Variants in PARD6G observed in about 807,000 individuals in gnomAD.
The protein encoded by PARD6G is partitioning defective 6 homolog gamma.
A neutral mutation model predicts 10.7 loss-of-function variants in PARD6G; 7 were observed. The ratio of observed to expected loss-of-function variants is 0.66; its 90% CI spans 0.37 to 1.23. The LOEUF (loss-of-function observed/expected upper bound fraction) is 1.23, where lower values mean the gene tolerates loss of function less well. PARD6G is among the 50% of genes most tolerant of loss of function. The probability of loss-of-function intolerance (pLI) is 0.02; values close to 1 mark genes in which losing one functional copy is unlikely to be tolerated. For missense variants in PARD6G, 548 were observed against 571.8 expected (o/e 0.96, Z 0.42); for synonymous variants, 287 against 269.4 (o/e 1.07, Z -0.64).
chr18:80,217,799 A>G (rs1419279458), intron 1 of PARD6G, among the ~76,000 whole-genome samples: 4 of 152,178 alleles, frequency 2.6e-5, no homozygotes, highest in African/African-American at 9.7e-5. Context: ...GTAATTTATA[A>G]AAGGAAAGAG....
chr18:80,209,850 T>A (rs1967089321), intron 1 of PARD6G, among the ~76,000 whole-genome samples: 2 of 152,182 alleles, frequency 1.3e-5, no homozygotes, highest in Non-Finnish European at 2.9e-5. Flanking sequence ...TAAATGCAAA[T>A]CATTTTTATT....
At chr18:80,230,198 T>G (rs1210346606) in intron 1 of PARD6G, among the ~76,000 whole-genome samples, 2 of 152,146 alleles carry the variant, frequency 1.3e-5, no homozygotes, top group African/African-American at 4.8e-5. Flanking sequence ...CCAGACGCAT[T>G]CCAGCTGTAA....
At chr18:80,190,636 G>A (rs1966889531) in intron 2 of PARD6G, among the ~76,000 whole-genome samples, 1 of 152,148 alleles carries the variant, frequency 6.6e-6, no homozygotes, top group Non-Finnish European at 1.5e-5. Flanking sequence ...GCCTCTCCAG[G>A]ATTCAGTTCT....
rs1479278581 is a variant in PARD6G at position 80,189,775 on chromosome 18, G to C, written c.295+12935C>G. ...CCTCTCCTTCCAGAGAGAAGGTCAA[G>C]CACCAAGCAGAACTCGATCAGTTTT... is the stretch of plus-strand genomic sequence containing the variant. On this transcript the variant is annotated intron_variant, in intron 2 of 2. Transcript: ENST00000353265. The surrounding 1 kb of genome is among the most constrained non-coding windows in gnomAD (Gnocchi z 5.5). Among the ~76,000 whole-genome samples, 3 of 152,148 alleles carry C rather than the reference G, an allele frequency of 2.0e-5. No homozygotes were observed. The highest frequency in any genetic ancestry group is 4.4e-5 in the Non-Finnish European group (3 of 68,040).
intron 2 of PARD6G, among the ~76,000 whole-genome samples, chr18:80,160,957 G>T (rs1017514342): frequency 2.0e-5 from 3 of 152,168 alleles, no homozygotes; most frequent in African/African-American, 7.2e-5. Context: ...GCTGGACTGG[G>T]GACTTCTTAA....
chr18:80,210,903 C>T (rs1250356190), intron 1 of PARD6G, among the ~76,000 whole-genome samples: 1 of 151,656 alleles, frequency 6.6e-6, no homozygotes, highest in Non-Finnish European at 1.5e-5. Flanking sequence ...CCCCCCATCC[C>T]CAAACACACG....
intron 2 of PARD6G, 99 bp from the exon 3 acceptor site, chr18:80,160,705 C>G: frequency 7.1e-7 from 1 of 1,412,124 alleles, no homozygotes; most frequent in Non-Finnish European, 9.2e-7. Flanking sequence ...TGCGTGACGC[C>G]GAAGCACCCA....
chr18:80,237,700 A>G (rs965891531), intron 1 of PARD6G, among the ~76,000 whole-genome samples: 5 of 152,388 alleles, frequency 3.3e-5, no homozygotes, highest in African/African-American at 9.6e-5. Flanking sequence ...ATGAACAGAC[A>G]CTTTTCAAAA....
At chr18:80,203,909 T>A (rs1453245116) in intron 1 of PARD6G, among the ~76,000 whole-genome samples, 1 of 152,120 alleles carries the variant, frequency 6.6e-6, no homozygotes, top group Non-Finnish European at 1.5e-5. Context: ...AGGATGATGG[T>A]CTGGTCTTTT....
chr18:80,164,893 T>C (rs1457551145), intron 2 of PARD6G, among the ~76,000 whole-genome samples: 1 of 152,102 alleles, frequency 6.6e-6, no homozygotes, highest in African/African-American at 2.4e-5. Context: ...AAAGCAGACG[T>C]ACTAATAACG....
intron 1 of PARD6G, among the ~76,000 whole-genome samples, chr18:80,219,712 C>T (rs777577485): frequency 9.9e-5 from 15 of 152,170 alleles, no homozygotes; most frequent in East Asian, 1.9e-4. Context: ...TACTCCAGTT[C>T]CCAACAAGTT....
In PARD6G at chr18:80,181,530, A is replaced by G. The variant is rs180727690; in HGVS notation, c.296-20924T>C. ...GGTCTCAAAGGGAGGGAGCAACCCT[A>G]CATCTCTGCTTCCAAAGTCCGGTAG... On this transcript the variant is annotated intron_variant, in intron 2 of 2. Transcript: ENST00000353265. This position sits in a 1 kb window ranked among gnomAD's most constrained non-coding sequence, Gnocchi z 7.9. Among the ~76,000 whole-genome samples, 13 of 152,210 alleles carry G rather than the reference A, an allele frequency of 8.5e-5. No homozygotes were observed. Among genetic ancestry groups the G allele is most frequent in the Admixed American group, 1.3e-4 (2 of 15,294 alleles).
Position 80,247,302 on chromosome 18 carries a change from C to A in PARD6G, c.47G>T (p.Cys16Phe). 6.3e-7 allele frequency: 1 copy of A among 1,584,994 alleles called. No individual in the cohort carries two copies. The highest frequency in any genetic ancestry group is 8.6e-7 in the Non-Finnish European group (1 of 1,166,580). Reference sequence around the variant, plus strand: ...CTTGCTCTTGACTTCCACTGCGCTGCAATCGTAGAATCGCAAGGTCTGAGA... The same window carrying A: ...CTTGCTCTTGACTTCCACTGCGCTGAAATCGTAGAATCGCAAGGTCTGAGA... ...HKSQTLRFYD[C>F]SAVEVKSKFG... Residue 16 changes from cysteine (C) to phenylalanine (F), a missense_variant, in exon 1 of 3, where the codon TGC (cysteine) becomes TTC (phenylalanine). Coordinates refer to ENST00000353265, the MANE Select transcript of PARD6G (RefSeq NM_032510.4). This position sits in a 1 kb window ranked among gnomAD's most constrained non-coding sequence, Gnocchi z 4.2.
At chr18:80,219,203 GGTTT>G (rs56321410) in intron 1 of PARD6G, among the ~76,000 whole-genome samples, 22 of 143,120 alleles carry the variant, frequency 1.5e-4, no homozygotes, top group Middle Eastern at 7.5e-3. Context: ...CAGAAAATAG[GGTTT>G]GTTTGTTTGT....
intron 2 of PARD6G, among the ~76,000 whole-genome samples, chr18:80,190,619 T>C (rs1200532685): frequency 6.6e-6 from 1 of 152,062 alleles, no homozygotes; most frequent in African/African-American, 2.4e-5. Flanking sequence ...CTCTGAAAAG[T>C]CACACGGCCT....
chr18:80,170,029 G>A (rs1321262423), intron 2 of PARD6G: 1 of 152,244 alleles, frequency 6.6e-6, no homozygotes, highest in African/African-American at 2.4e-5. Flanking sequence ...GGCCTATTAG[G>A]GCCTCGTCCG....
intron 1 of PARD6G, among the ~76,000 whole-genome samples, chr18:80,226,868 T>C (rs1967298461): frequency 6.6e-6 from 1 of 152,294 alleles, no homozygotes; most frequent in South Asian, 2.1e-4. Flanking sequence ...ATATTACGAG[T>C]GGCAGGAAAC....
rs540069571 is a variant in PARD6G at position 80,188,334 on chromosome 18, C to T, written c.295+14376G>A. Among the ~76,000 whole-genome samples the T allele has an allele frequency of 1.2e-3, 190 of 152,300 alleles. 2 individuals carry two copies. Among genetic ancestry groups the T allele is most frequent in the African/African-American group, 4.5e-3 (185 of 41,558 alleles). ...TCAAAGACTGAACCTACATGGGTGTCTTGGGGAACAGAGACTTGGATTCCA... is the reference window on the plus strand; with the variant it reads ...TCAAAGACTGAACCTACATGGGTGTTTTGGGGAACAGAGACTTGGATTCCA... On this transcript the variant is annotated intron_variant, in intron 2 of 2. Coordinates refer to ENST00000353265, the MANE Select transcript of PARD6G (RefSeq NM_032510.4). The surrounding 1 kb of genome is among the most constrained non-coding windows in gnomAD (Gnocchi z 5.4).
chr18:80,164,812 T>A (rs984666966), intron 2 of PARD6G, among the ~76,000 whole-genome samples: 1 of 152,124 alleles, frequency 6.6e-6, no homozygotes, highest in African/African-American at 2.4e-5. Context: ...AGGTTTTTTA[T>A]TAAGGGTGTC....
Sources: allele counts gnomAD v4.1 joint callset (sites outside exome capture counted in the v4.1 genomes callset), GRCh38; gene constraint gnomAD v4.1.1; non-coding constraint Gnocchi (gnomAD v3.1); transcripts MANE v1.5; gene names NCBI Gene and HGNC (gene_info 2026-07-23, HGNC 2026-07-21).